The following RGS11 variants were observed in gnomAD, a reference collection of about 807,000 sequenced individuals.
RGS11 encodes the protein regulator of G-protein signaling 11.
Under a neutral mutation model 71.1 loss-of-function variants are expected in RGS11, and 86 were observed. The ratio of observed to expected loss-of-function variants is 1.21; its 90% CI spans 1.02 to 1.45. The LOEUF (loss-of-function observed/expected upper bound fraction) is 1.45, where lower values mean the gene tolerates loss of function less well. RGS11 is among the 40% of genes most tolerant of loss of function. RGS11 has a pLI of 0.00. For synonymous variants in RGS11, 298 were observed against 254.2 expected (o/e 1.17, Z -1.64); for missense variants, 734 against 635.1 (o/e 1.16, Z -1.67).
At chr16:270,464 G>A (rs1399858189) in intron 15 of RGS11, 59 bp downstream of exon 15, 3 of 1,522,422 alleles carry the variant, frequency 2.0e-6, no homozygotes, top group Non-Finnish European at 2.7e-6. Flanking sequence ...TGAGGGTGGG[G>A]ACATGGAGGC....
intron 9 of RGS11, chr16:272,067 C>T: frequency 1.4e-6 from 1 of 702,202 alleles, no homozygotes; most frequent in Non-Finnish European, 1.9e-6. Context: ...AACTCCTGAA[C>T]TCAGGTGATC....
intron 15 of RGS11, 195 bp from the exon 16 acceptor site, chr16:269,780 G>C (rs2051834077): frequency 3.6e-6 from 2 of 558,314 alleles, no homozygotes; most frequent in East Asian, 6.0e-5. Flanking sequence ...CCGTCTGCCT[G>C]GGCCATGTCG....
chr16:270,861 C>T, intron 13 of RGS11, 30 bp from the exon 14 acceptor site: 1 of 1,603,748 alleles, frequency 6.2e-7, no homozygotes, highest in East Asian at 2.2e-5. Flanking sequence ...GTCAAGGATC[C>T]CATCGAGAGT....
Position 273,828 on chromosome 16 carries a change from A to G in RGS11, c.438T>C (p.Tyr146=). ...GGTTGATCTTCTTGTGTAGCCGGTC[A>G]TAGCAGTCCTGGGGGCAGCGAGGTT... ...GTLVDYEKDC[Y]DRLHKKINHA... The change falls in exon 7 of 17, where the codon TAT becomes TAC. Residue 146 remains tyrosine (Y), a synonymous_variant. Coordinates refer to ENST00000397770, the MANE Select transcript of RGS11 (RefSeq NM_183337.3). The G allele has an allele frequency of 1.2e-6, 2 of 1,613,442 alleles. No individual in the cohort carries two copies. Among genetic ancestry groups the G allele is most frequent in the South Asian group, 2.2e-5 (2 of 91,090 alleles).
Position 273,768 on chromosome 16 carries a change from C to T in RGS11, c.498G>A (p.Glu166=), listed in dbSNP as rs761905490. Residue 166 remains glutamate, a synonymous_variant, in exon 7 of 17, where the codon GAG becomes GAA. Transcript: ENST00000397770. ...AWDLVLMQAR[E]QLRAAKQRSK... is the part of the protein sequence containing the mutation. Reference sequence around the variant, plus strand: ...GCAGGGCGGGGCCTCACCTCAGCTGCTCCCTCGCCTGCATCAGCACCAGGT... The same window carrying T: ...GCAGGGCGGGGCCTCACCTCAGCTGTTCCCTCGCCTGCATCAGCACCAGGT... 5.0e-6 allele frequency: 8 copies of T among 1,612,434 alleles called. No individual in the cohort carries two copies. The highest frequency in any genetic ancestry group is 5.9e-6 in the Non-Finnish European group (7 of 1,179,706).
intron 9 of RGS11, chr16:272,363 T>G (rs558583144): frequency 7.7e-7 from 1 of 1,290,330 alleles, no homozygotes; most frequent in African/African-American, 1.5e-5. Flanking sequence ...TTAAGAAGTT[T>G]TATCAGTGAG....
In RGS11 at chr16:275,433, C is replaced by G. The variant is rs1264516789; in HGVS notation, c.129G>C (p.Leu43=). ...CCGCGTGGGGAATGACGGTGACCAG[C>G]AGGCGCTGGCTCCGCATCTTCACGC... ...DQGVKMRSQR[L]LVTVIPHAVT... The change falls in exon 2 of 17, where the codon CTG becomes CTC. Residue 43 remains leucine (L), a synonymous_variant. Coordinates refer to ENST00000397770, the MANE Select transcript of RGS11 (RefSeq NM_183337.3). 7 of 1,601,160 alleles carry G rather than the reference C, an allele frequency of 4.4e-6. No homozygotes were observed. The highest frequency in any genetic ancestry group is 5.1e-6 in the Non-Finnish European group (6 of 1,178,882).
At chr16:274,496 G>A (rs529571869) in intron 4 of RGS11, 97 of 605,092 alleles carry the variant, frequency 1.6e-4, no homozygotes, top group African/African-American at 1.6e-3. Context: ...TCCCTCACTG[G>A]TCACCCTAAG....
chr16:273,508 C>A lies in RGS11; in HGVS notation c.555G>T (p.Gln185His). ...TGTTCACCAGCCAGTAGGTCTGCTC[C>A]TGGCACGCAATGACCAGCCTGTCCC... is the stretch of plus-strand genomic sequence containing the variant. Reference protein sequence around the residue: ...SKGDRLVIACQEQTYWLVNRP... With the variant: ...SKGDRLVIACHEQTYWLVNRP... The change falls in exon 8 of 17, where the codon CAG becomes CAT. Residue 185 changes from glutamine (Q) to histidine (H), a missense_variant. Transcript: ENST00000397770. 1 of 1,556,456 alleles carries A rather than the reference C, an allele frequency of 6.4e-7. No homozygotes were observed. The highest frequency in any genetic ancestry group is 8.7e-7 in the Non-Finnish European group (1 of 1,150,240).
intron 6 of RGS11, 67 bp downstream of exon 6, chr16:273,976 G>C (rs1345547827): frequency 6.7e-7 from 1 of 1,490,530 alleles, no homozygotes; most frequent in East Asian, 2.4e-5. Flanking sequence ...AGCCCCGGGG[G>C]GCCGTGAGTG....
intron 5 of RGS11, 27 bp downstream of exon 5, chr16:274,187 T>C (rs1454558506): frequency 2.2e-5 from 35 of 1,602,958 alleles, no homozygotes; most frequent in Non-Finnish European, 2.9e-5. Flanking sequence ...TGGGAACTTG[T>C]CTGGGGCCAG....
At chr16:269,434 C>T (rs1214700008) in intron 16 of RGS11, 51 bp from the exon 17 acceptor site, 1 of 1,585,828 alleles carries the variant, frequency 6.3e-7, no homozygotes, top group African/African-American at 1.3e-5. Flanking sequence ...GTGTCCTGCC[C>T]ACCTCACTGC....
At chr16:272,695 C>T (rs1235081892) in intron 9 of RGS11, 168 bp downstream of exon 9, 1 of 1,472,270 alleles carries the variant, frequency 6.8e-7, no homozygotes, top group South Asian at 1.4e-5. Context: ...TTAGCAGGGG[C>T]CTGGGGAACA....
At position 272,287 on chromosome 16, in the gene RGS11, G is replaced by A. The variant is rs74003727; in HGVS notation, c.657+576C>T. On this transcript the variant is annotated intron_variant, in intron 9 of 16. Transcript: ENST00000397770. ...AGAGCGGAGGAGGCGGACGCGCTGC[G>A]AGTCCTGGCCTGTGTCCCCGCTCTC... 2.6e-3 allele frequency: 3,292 copies of A among 1,259,582 alleles called. 50 individuals carry two copies. The African/African-American group carries it at 0.038, about 15-fold the overall frequency. 78.0% of individuals were successfully genotyped at this position (1,259,582 alleles called of 1,614,324 possible). A position where few individuals can be genotyped will look rare whatever the true frequency, so the allele number is the denominator to read the frequency against.
In RGS11 at chr16:271,039, C is replaced by CA. The variant is rs2051910193; in HGVS notation, c.923dup (p.Glu309GlyfsTer29). ...AGTGGGCCCGCCCCACGGGGTCCTCCAGGAGCTCCCGGAAGCTGAAGCCCC... is the reference window on the plus strand; with the variant it reads ...AGTGGGCCCGCCCCACGGGGTCCTCCAAGGAGCTCCCGGAAGCTGAAGCCCC... On this transcript the variant is annotated frameshift_variant, in exon 13 of 17. Coordinates refer to ENST00000397770, the MANE Select transcript of RGS11 (RefSeq NM_183337.3). LOFTEE classifies it high-confidence loss of function. 1.2e-6 allele frequency: 2 copies of CA among 1,612,506 alleles called. No homozygotes were observed. The highest frequency in any genetic ancestry group is 1.6e-4 in the Middle Eastern group (1 of 6,062).
Position 270,583 on chromosome 16 carries a change from G to A in RGS11, c.1146C>T (p.Arg382=), listed in dbSNP as rs745320238. The A allele has an allele frequency of 4.4e-6, 7 of 1,608,412 alleles. No individual in the cohort carries two copies. In the South Asian group the frequency reaches 5.5e-5, roughly 13 times the overall value. ...RTMEQTLEGL[R]QPHRYVLDDA... is the part of the protein sequence containing the mutation. ...CATCCAGGACATAGCGGTGGGGCTG[G>A]CGCAGCCCCTCCAGGGTCTGCTCCA... Residue 382 remains arginine (R), a synonymous_variant, in exon 15 of 17, where the codon CGC becomes CGT. Transcript: ENST00000397770.
intron 1 of RGS11, 142 bp from the exon 2 acceptor site, chr16:275,640 C>G (rs1567243022): frequency 2.6e-6 from 2 of 760,374 alleles, no homozygotes; most frequent in African/African-American, 2.0e-5. Context: ...GCGGCGGGGA[C>G]GCGGGGCGGG....
intron 1 of RGS11, 93 bp from the exon 2 acceptor site, chr16:275,591 G>A: frequency 8.9e-7 from 1 of 1,121,268 alleles, no homozygotes; most frequent in South Asian, 1.5e-5. Context: ...GGAGCGCGGA[G>A]ATTAACGCGC....
chr16:272,280 G>C, intron 9 of RGS11: 2 of 1,249,964 alleles, frequency 1.6e-6, no homozygotes, highest in Non-Finnish European at 2.1e-6. Context: ...GGAGGCGGAC[G>C]CGCTGCGAGT....
Sources: allele counts gnomAD v4.1 joint callset, GRCh38; gene constraint gnomAD v4.1.1; transcripts MANE v1.5; gene names NCBI Gene and HGNC (gene_info 2026-07-23, HGNC 2026-07-21).